The following PHACTR2 variants were observed in gnomAD, a reference collection of about 807,000 sequenced individuals.
PHACTR2 encodes phosphatase and actin regulator 2, also known as chromosome 6 open reading frame 56.
In PHACTR2, 30 loss-of-function variants were observed where a neutral mutation model predicts 76.0. The observed-to-expected ratio is 0.39, with a 90% CI of 0.30 to 0.54. PHACTR2 has a LOEUF of 0.54. Ranked by LOEUF, PHACTR2 falls within the 20% of genes least tolerant of loss-of-function variation. The pLI, the probability that PHACTR2 is intolerant of heterozygous loss-of-function variation, is 0.61. For missense variants in PHACTR2, 696 were observed against 781.1 expected (o/e 0.89, Z 1.30); for synonymous variants, 292 against 292.5 (o/e 1.00, Z 0.02).
chr6:143,704,496 A>G (rs1412661998), intron 1 of PHACTR2, among the ~76,000 whole-genome samples: 1 of 152,124 alleles, frequency 6.6e-6, no homozygotes, highest in Non-Finnish European at 1.5e-5. Context: ...CTTTATCCTC[A>G]TTTACCTCCA....
chr6:143,701,744 T>C (rs1023369604), intron 1 of PHACTR2, among the ~76,000 whole-genome samples: 2 of 152,184 alleles, frequency 1.3e-5, no homozygotes, highest in Non-Finnish European at 2.9e-5. Context: ...TAGCAACTAC[T>C]TCGCAGGGTT....
upstream of PHACTR2, among the ~76,000 whole-genome samples, chr6:143,605,440 G>A (rs374780889): frequency 3.9e-5 from 6 of 152,298 alleles, no homozygotes; most frequent in African/African-American, 1.4e-4. The surrounding 1 kb of genome is among the most constrained non-coding windows in gnomAD (Gnocchi z 5.0). Flanking sequence ...AATTGTGGGT[G>A]TGAATTAAAT....
chr6:143,725,325 C>G (rs1006945631), intron 2 of PHACTR2, among the ~76,000 whole-genome samples: 1 of 149,652 alleles, frequency 6.7e-6, no homozygotes. Flanking sequence ...CTCAGCCTCC[C>G]GAGTAGCTGG....
At chr6:143,577,337 T>A (rs1041879997) in intron 1 of PHACTR2, among the ~76,000 whole-genome samples, 1 of 152,076 alleles carries the variant, frequency 6.6e-6, no homozygotes, top group Non-Finnish European at 1.5e-5. Flanking sequence ...AAATAAAATA[T>A]CACCTAACAT....
rs1167755842 is a variant in PHACTR2 at position 143,585,611 on chromosome 6, T to C, written c.217+48404T>C. On this transcript the variant is annotated intron_variant, in intron 1 of 11. Transcript: ENST00000367584. The surrounding 1 kb of genome is among the most constrained non-coding windows in gnomAD (Gnocchi z 5.2). Reference sequence around the variant, plus strand: ...GTGTCATCTTGGGAACACTGTGTTCTGAAAAAGACTAATTGGGACCAGAAA... The same window carrying C: ...GTGTCATCTTGGGAACACTGTGTTCCGAAAAAGACTAATTGGGACCAGAAA... Among the ~76,000 whole-genome samples the C allele has an allele frequency of 2.6e-5, 4 of 152,124 alleles. No individual in the cohort carries two copies. Among genetic ancestry groups the C allele is most frequent in the Non-Finnish European group, 4.4e-5 (3 of 68,018 alleles).
intron 1 of PHACTR2, among the ~76,000 whole-genome samples, chr6:143,670,649 T>C (rs1777137394): frequency 6.6e-6 from 1 of 152,166 alleles, no homozygotes; most frequent in African/African-American, 2.4e-5. Context: ...TATTGATACT[T>C]GTGTATCTTC....
rs1779334654 is a variant in PHACTR2, at chr6:143,757,682, C to T, written c.455-2719C>T. On this transcript the variant is annotated intron_variant, in intron 4 of 12. Transcript: ENST00000440869. The surrounding 1 kb of genome is among the most constrained non-coding windows in gnomAD (Gnocchi z 4.2). ...TTGAAGTGATAATACTCCTATATGC[C>T]ATCAGTTTATATCATGTCTTCAGAT... 6.6e-6 allele frequency among the ~76,000 whole-genome samples: 1 copy of T among 152,102 alleles called. No individual in the cohort carries two copies. The highest frequency in any genetic ancestry group is 3.2e-3 in the Middle Eastern group (1 of 316).
intron 1 of PHACTR2, among the ~76,000 whole-genome samples, chr6:143,661,282 G>A (rs151276839): frequency 1.7e-4 from 26 of 152,096 alleles, no homozygotes; most frequent in South Asian, 4.1e-4. Flanking sequence ...ATTCAGTGTT[G>A]GTTTGTAGAA....
intron 7 of PHACTR2, among the ~76,000 whole-genome samples, chr6:143,773,073 C>T (rs1421535146): frequency 2.0e-5 from 3 of 152,106 alleles, no homozygotes; most frequent in African/African-American, 7.2e-5. Context: ...TCCAGATGGG[C>T]ATGCTAGCGC....
rs577158761 is a variant in PHACTR2 at position 143,680,443 on chromosome 6, G to A, written c.46+2234G>A. 6.6e-6 allele frequency among the ~76,000 whole-genome samples: 1 copy of A among 152,290 alleles called. No individual in the cohort carries two copies. Among genetic ancestry groups the A allele is most frequent in the Non-Finnish European group, 1.5e-5 (1 of 68,006 alleles). The stretch of plus-strand genomic sequence containing the variant: ...TTAAGTCAAAGGAATCAATAGCACA[G>A]AGTTTAATTATTCATACTTATCGCT... On this transcript the variant is annotated intron_variant, in intron 1 of 12. Transcript: ENST00000440869. This position sits in a 1 kb window ranked among gnomAD's most constrained non-coding sequence, Gnocchi z 4.5.
chr6:143,712,219 AT>A, intron 2 of PHACTR2, 36 bp downstream of exon 2: 3 of 1,314,732 alleles, frequency 2.3e-6, no homozygotes, highest in Non-Finnish European at 3.0e-6. Context: ...GATGGGATAA[AT>A]TGTAAAACGT....
rs527451349 is a variant in PHACTR2, at chr6:143,822,855, C to T, written c.1923-819C>T. Among the ~76,000 whole-genome samples, 3 of 152,170 alleles carry T rather than the reference C, an allele frequency of 2.0e-5. No homozygotes were observed. The highest frequency in any genetic ancestry group is 4.4e-5 in the Non-Finnish European group (3 of 68,012). ...TAGTGAACAGCATGTTCAAAAGCAC[C>T]GGGCTACAAAAATGCAAGGAATGTT... On this transcript the variant is annotated intron_variant, in intron 12 of 12. Transcript: ENST00000440869. This position sits in a 1 kb window ranked among gnomAD's most constrained non-coding sequence, Gnocchi z 5.5.
At chr6:143,681,940 A>G (rs1200813859) in intron 1 of PHACTR2, among the ~76,000 whole-genome samples, 1 of 152,222 alleles carries the variant, frequency 6.6e-6, no homozygotes, top group Non-Finnish European at 1.5e-5. Flanking sequence ...GTCTCTTCTT[A>G]TGCCAGTTAC....
At chr6:143,631,324 A>T (rs1332847447) in intron 1 of PHACTR2, among the ~76,000 whole-genome samples, 1 of 151,976 alleles carries the variant, frequency 6.6e-6, no homozygotes, top group Non-Finnish European at 1.5e-5. Flanking sequence ...CCTAGTAGCT[A>T]GGACCACAGG....
At position 143,553,175 on chromosome 6, in the gene PHACTR2, A is replaced by G. The variant is rs577485868; in HGVS notation, c.217+15968A>G. On this transcript the variant is annotated intron_variant, in intron 1 of 11. Coordinates refer to the PHACTR2 transcript ENST00000367584. This position sits in a 1 kb window ranked among gnomAD's most constrained non-coding sequence, Gnocchi z 4.2. ...AGTCTCTATTATGTGCCAGTGAGAAAACAAAAATCCAGCTCATAGAGACTG... is the reference window on the plus strand; with the variant it reads ...AGTCTCTATTATGTGCCAGTGAGAAGACAAAAATCCAGCTCATAGAGACTG... Among the ~76,000 whole-genome samples, 5 of 152,336 alleles carry G rather than the reference A, an allele frequency of 3.3e-5. No individual in the cohort carries two copies. Among genetic ancestry groups the G allele is most frequent in the African/African-American group, 1.2e-4 (5 of 41,584 alleles).
At chr6:143,634,724 C>T (rs993328720) in intron 1 of PHACTR2, among the ~76,000 whole-genome samples, 2 of 152,120 alleles carry the variant, frequency 1.3e-5, no homozygotes, top group African/African-American at 4.8e-5. Context: ...TGTAGTTGGG[C>T]ATATGCAGAT....
rs1775663058 is a variant in PHACTR2, at chr6:143,589,382, C to T, written c.217+52175C>T. On this transcript the variant is annotated intron_variant, in intron 1 of 11. Transcript: ENST00000367584. The surrounding 1 kb of genome is among the most constrained non-coding windows in gnomAD (Gnocchi z 4.4). ...ACCCTTTGCTCTCTTCCTCCTGCTC[C>T]AGCCATGTAAGACGTGCCTGCTTCC... Among the ~76,000 whole-genome samples, 2 of 152,186 alleles carry T rather than the reference C, an allele frequency of 1.3e-5. No individual in the cohort carries two copies. The highest frequency in any genetic ancestry group is 2.9e-5 in the Non-Finnish European group (2 of 68,044).
upstream of PHACTR2, among the ~76,000 whole-genome samples, chr6:143,603,334 G>A (rs920795022): frequency 1.3e-5 from 2 of 151,824 alleles, no homozygotes; most frequent in African/African-American, 2.4e-5. Flanking sequence ...TTTTGCAGTC[G>A]GGGAGAGGGA....
At chr6:143,736,805 AC>A (rs1345680901) in intron 2 of PHACTR2, among the ~76,000 whole-genome samples, 1 of 151,418 alleles carries the variant, frequency 6.6e-6, no homozygotes, top group African/African-American at 2.4e-5. Flanking sequence ...CGATCTCCTG[AC>A]CTCGTGATCC....
Sources: allele counts gnomAD v4.1 joint callset (sites outside exome capture counted in the v4.1 genomes callset), GRCh38; gene constraint gnomAD v4.1.1; non-coding constraint Gnocchi (gnomAD v3.1); transcripts MANE v1.5; gene names NCBI Gene and HGNC (gene_info 2026-07-23, HGNC 2026-07-21).